Variants in NKAPD1 observed in about 807,000 individuals in gnomAD.
NKAPD1 encodes NKAP domain containing 1.
A neutral mutation model predicts 30.9 loss-of-function variants in NKAPD1; 12 were observed. The ratio of observed to expected loss-of-function variants is 0.39; its 90% CI spans 0.25 to 0.63. The LOEUF is 0.63. Ranked by LOEUF, NKAPD1 falls within the 20% of genes least tolerant of loss-of-function variation. NKAPD1 has a pLI of 0.51. For synonymous variants in NKAPD1, 91 were observed against 113.6 expected (o/e 0.80, Z 1.26); for missense variants, 311 against 344.5 (o/e 0.90, Z 0.77).
intron 3 of NKAPD1, among the ~76,000 whole-genome samples, chr11:112,080,159 C>G (rs920404616): frequency 2.0e-5 from 3 of 151,974 alleles, no homozygotes; most frequent in African/African-American, 7.3e-5. Flanking sequence ...TACAGAGGAA[C>G]AGATAATCAA....
chr11:112,079,814 CT>C (rs886279310), intron 3 of NKAPD1, among the ~76,000 whole-genome samples: 112 of 144,304 alleles, frequency 7.8e-4, no homozygotes, highest in Admixed American at 6.2e-4. Flanking sequence ...TTCTTTTTTT[CT>C]TTTTTTTTTT....
chr11:112,078,835 C>T (rs1371587692), intron 3 of NKAPD1, among the ~76,000 whole-genome samples: 1 of 152,184 alleles, frequency 6.6e-6, no homozygotes, highest in Non-Finnish European at 1.5e-5. Context: ...TAAGCATGAG[C>T]CACTTGCCTG....
At position 112,084,799 on chromosome 11, in the gene NKAPD1, CTTTTTTTTT is replaced by C. The variant is rs71301698; in HGVS notation, c.*1836_*1844del. 9.9e-6 allele frequency: 1 copy of C among 101,226 alleles called. No individual in the cohort carries two copies. Among genetic ancestry groups the C allele is most frequent in the Non-Finnish European group, 2.0e-5 (1 of 49,516 alleles). The allele number at this position is 101,226 out of a possible 1,614,324, so 6.3% of individuals were successfully genotyped here. ...CTTTCGCAAGGAATACACATCTTGC[CTTTTTTTTT>C]TTTTTTTTGCCATGTTTTCCTTTTC... On this transcript the variant is annotated 3_prime_UTR_variant, in exon 6 of 6. Coordinates refer to ENST00000393047, the MANE Select transcript of NKAPD1 (RefSeq NM_018195.4).
At position 112,084,255 on chromosome 11, in the gene NKAPD1, T is replaced by C. The variant is rs549964939; in HGVS notation, c.*1283T>C. The C allele has an allele frequency of 2.6e-5, 4 of 152,746 alleles. No homozygotes were observed. In the South Asian group the frequency reaches 8.3e-4, roughly 32 times the overall value. The allele number at this position is 152,746 out of a possible 1,614,324, so 9.5% of individuals were successfully genotyped here. On this transcript the variant is annotated 3_prime_UTR_variant, in exon 6 of 6. Coordinates refer to ENST00000393047, the MANE Select transcript of NKAPD1 (RefSeq NM_018195.4). ...GAATTACTTCACAGTAGCATGACAG[T>C]ATAAGACACCAGCAGTAGATACAAC...
intron 2 of NKAPD1, among the ~76,000 whole-genome samples, chr11:112,076,468 TA>T (rs918243111): frequency 6.6e-6 from 1 of 152,152 alleles, no homozygotes; most frequent in African/African-American, 2.4e-5. Context: ...ATGCAGGGGC[TA>T]GGGGCATCAA....
At chr11:112,078,980 G>GA in intron 3 of NKAPD1, among the ~76,000 whole-genome samples, 1 of 152,250 alleles carries the variant, frequency 6.6e-6, no homozygotes, top group African/African-American at 2.4e-5. Flanking sequence ...AGAGGCCTAG[G>GA]AATGCTTGAA....
chr11:112,074,346 G>A lies in NKAPD1; in HGVS notation c.-579G>A. 2.5e-6 allele frequency: 1 copy of A among 399,260 alleles called. No homozygotes were observed. Among genetic ancestry groups the A allele is most frequent in the Non-Finnish European group, 4.4e-6 (1 of 226,264 alleles). 24.7% of individuals were successfully genotyped at this position (399,260 alleles called of 1,614,324 possible). On this transcript the variant is annotated 5_prime_UTR_variant, in exon 1 of 6. Coordinates refer to ENST00000393047, the MANE Select transcript of NKAPD1 (RefSeq NM_018195.4). ...TCCCCCCTACCCCCCGCCACGCGAG[G>A]CTGCGGCGCACGGTATGGGTGTGTT...
At chr11:112,082,437 G>T in intron 5 of NKAPD1, 28 bp from the exon 6 acceptor site, 1 of 1,468,040 alleles carries the variant, frequency 6.8e-7, no homozygotes, top group Admixed American at 2.6e-5. Flanking sequence ...TTACATAAAA[G>T]CTTCTATTTT....
rs1159067908 is a variant in NKAPD1, at chr11:112,074,528, G to A, written c.-397G>A. On this transcript the variant is annotated 5_prime_UTR_variant, in exon 1 of 6. Transcript: ENST00000393047. ...GCTTCAGGCTCCCTAGATACTTTCTGGGGCCCAACCGAAGGCCGTAGCCAT... is the reference window on the plus strand; with the variant it reads ...GCTTCAGGCTCCCTAGATACTTTCTAGGGCCCAACCGAAGGCCGTAGCCAT... 2.5e-6 allele frequency: 1 copy of A among 398,924 alleles called. No individual in the cohort carries two copies. The highest frequency in any genetic ancestry group is 4.4e-6 in the Non-Finnish European group (1 of 226,112). 24.7% of individuals were successfully genotyped at this position (398,924 alleles called of 1,614,324 possible). A position where few individuals can be genotyped will look rare whatever the true frequency, so the allele number is the denominator to read the frequency against.
chr11:112,083,033 T>C lies in NKAPD1; in HGVS notation c.*61T>C. ...TATTTACAGTTCTTACTCCTTGTGG[T>C]TTTGCCAGTGACTCTTGTTCAGCAC... On this transcript the variant is annotated 3_prime_UTR_variant, in exon 6 of 6. Coordinates refer to ENST00000393047, the MANE Select transcript of NKAPD1 (RefSeq NM_018195.4). 6.6e-7 allele frequency: 1 copy of C among 1,520,610 alleles called. No homozygotes were observed. Among genetic ancestry groups the C allele is most frequent in the East Asian group, 2.3e-5 (1 of 44,254 alleles). 94.2% of individuals were successfully genotyped at this position (1,520,610 alleles called of 1,614,324 possible).
intron 5 of NKAPD1, 187 bp downstream of exon 5, chr11:112,082,222 A>G (rs1197885727): frequency 7.1e-6 from 5 of 705,720 alleles, no homozygotes; most frequent in Non-Finnish European, 1.2e-5. Context: ...GTCTGTAAGC[A>G]TTTTGGTTTT....
intron 1 of NKAPD1, 114 bp downstream of exon 1, chr11:112,075,030 A>T (rs1315897387): frequency 6.5e-6 from 1 of 154,366 alleles, no homozygotes; most frequent in East Asian, 1.9e-4. Flanking sequence ...ATGCCCCCAA[A>T]TGGAGAAATT....
In NKAPD1 at chr11:112,078,368, C is replaced by T. The variant is rs1024739244; in HGVS notation, c.170+53C>T. 9.4e-6 allele frequency: 13 copies of T among 1,390,358 alleles called. No individual in the cohort carries two copies. In the African/African-American group the frequency reaches 1.4e-4, roughly 15 times the overall value. 86.1% of individuals were successfully genotyped at this position (1,390,358 alleles called of 1,614,324 possible). ...TAATTCTCATCTTTTTCAGAATCAT[C>T]AACTTTTGTTTAAAAATACTTTGGT... On this transcript the variant is annotated intron_variant, in intron 3 of 5. Coordinates refer to ENST00000393047, the MANE Select transcript of NKAPD1 (RefSeq NM_018195.4).
At chr11:112,077,767 G>C (rs1040089800) in intron 2 of NKAPD1, among the ~76,000 whole-genome samples, 2 of 150,990 alleles carry the variant, frequency 1.3e-5, no homozygotes, top group Non-Finnish European at 2.9e-5. Context: ...AAACCAATTT[G>C]TTTTCCAGGT....
At chr11:112,078,114 G>T (rs754751879) in intron 2 of NKAPD1, 101 bp from the exon 3 acceptor site, 13 of 821,282 alleles carry the variant, frequency 1.6e-5, no homozygotes, top group Non-Finnish European at 2.5e-5. Context: ...AAAGTGCTGG[G>T]ATTACAGGTG....
chr11:112,077,375 G>C (rs1865350915), intron 2 of NKAPD1, among the ~76,000 whole-genome samples: 1 of 152,156 alleles, frequency 6.6e-6, no homozygotes, highest in African/African-American at 2.4e-5. Context: ...TTCCCTAGCA[G>C]CCATACTGAT....
At chr11:112,080,340 C>T (rs987488213) in intron 3 of NKAPD1, 69 bp from the exon 4 acceptor site, 89 of 1,485,558 alleles carry the variant, frequency 6.0e-5, no homozygotes, top group Non-Finnish European at 7.5e-5. Context: ...GAGTTTTGTG[C>T]ATGATGTTCC....
At chr11:112,080,651 G>T (rs1046407370) in intron 4 of NKAPD1, 93 bp downstream of exon 4, 5 of 1,414,248 alleles carry the variant, frequency 3.5e-6, no homozygotes, top group Non-Finnish European at 4.8e-6. Context: ...GTGTACAAAA[G>T]TTCATACCAG....
chr11:112,081,934 A>G, intron 4 of NKAPD1, 48 bp from the exon 5 acceptor site: 2 of 1,537,134 alleles, frequency 1.3e-6, no homozygotes, highest in Non-Finnish European at 1.8e-6. Flanking sequence ...TTAATTTCCA[A>G]AAATGTATGC....
Sources: allele counts gnomAD v4.1 joint callset (sites outside exome capture counted in the v4.1 genomes callset), GRCh38; gene constraint gnomAD v4.1.1; transcripts MANE v1.5; gene names NCBI Gene and HGNC (gene_info 2026-07-23, HGNC 2026-07-21).